ENTHD1: variants seen among roughly 807,000 people sequenced by gnomAD.
The protein encoded by ENTHD1 is ENTH domain containing 1.
ENTHD1 carries 23 observed loss-of-function variants against 39.1 expected under a neutral mutation model. The ratio of observed to expected loss-of-function variants is 0.59; its 90% CI spans 0.42 to 0.83. ENTHD1 has a LOEUF of 0.83. ENTHD1 is among the 40% of genes least tolerant of loss of function. The pLI is 0.00. For synonymous variants in ENTHD1, 230 were observed against 258.2 expected (o/e 0.89, Z 1.05); for missense variants, 624 against 705.4 (o/e 0.88, Z 1.31).
intron 2 of ENTHD1, among the ~76,000 whole-genome samples, chr22:39,879,653 A>T (rs2066320937): frequency 6.6e-6 from 1 of 152,126 alleles, no homozygotes; most frequent in African/African-American, 2.4e-5. Flanking sequence ...GCAGAGCATC[A>T]GGAACTCTCA....
At chr22:39,767,286 C>G (rs2065284500) in intron 5 of ENTHD1, among the ~76,000 whole-genome samples, 2 of 152,100 alleles carry the variant, frequency 1.3e-5, no homozygotes, top group Non-Finnish European at 2.9e-5. Context: ...CTAAAATATT[C>G]CTAATTTGCA....
chr22:39,815,570 G>C lies in ENTHD1; in HGVS notation c.832+5423C>G, dbSNP rs949806173. On this transcript the variant is annotated intron_variant, in intron 5 of 6. Transcript: ENST00000325157. Reference sequence around the variant, plus strand: ...AACTAGAACTTTGGAAAACAATCTGGCATTACCTAGCAAATTTGAAGATGT... The same window carrying C: ...AACTAGAACTTTGGAAAACAATCTGCCATTACCTAGCAAATTTGAAGATGT... Among the ~76,000 whole-genome samples the C allele has an allele frequency of 3.3e-5, 5 of 152,234 alleles. No homozygotes were observed. The East Asian group carries it at 9.6e-4, about 29-fold the overall frequency.
At position 39,873,161 on chromosome 22, in the gene ENTHD1, C is replaced by T. The variant is rs550635151; in HGVS notation, c.350-11154G>A. ...TGAAATCTGTCTCTTTAAAATGTGG[C>T]CCTGTTTTTAAAATTATACCTTTAA... On this transcript the variant is annotated intron_variant, in intron 2 of 6. Coordinates refer to ENST00000325157, the MANE Select transcript of ENTHD1 (RefSeq NM_152512.4). 4.0e-5 allele frequency among the ~76,000 whole-genome samples: 6 copies of T among 151,688 alleles called. No individual in the cohort carries two copies. In the East Asian group the frequency reaches 9.7e-4, roughly 24 times the overall value.
chr22:39,756,743 AACC>A (rs1429560596), intron 6 of ENTHD1, among the ~76,000 whole-genome samples: 1 of 152,230 alleles, frequency 6.6e-6, no homozygotes, highest in Non-Finnish European at 1.5e-5. Context: ...TCTATTATTC[AACC>A]AATCACCTTA....
intron 2 of ENTHD1, among the ~76,000 whole-genome samples, chr22:39,877,775 A>G (rs1041576554): frequency 9.8e-5 from 15 of 152,310 alleles, no homozygotes; most frequent in African/African-American, 3.4e-4. Context: ...AGTTAACCAA[A>G]GCCTAACCTG....
intron 6 of ENTHD1, among the ~76,000 whole-genome samples, chr22:39,762,349 G>A (rs2065241516): frequency 6.6e-6 from 1 of 152,014 alleles, no homozygotes; most frequent in South Asian, 2.1e-4. Context: ...AGGCTATGAG[G>A]ACTGAAGAGT....
chr22:39,765,321 A>C lies in ENTHD1; in HGVS notation c.1121T>G (p.Phe374Cys), dbSNP rs2065267562. The C allele has an allele frequency of 6.2e-6, 10 of 1,613,774 alleles. No individual in the cohort carries two copies. The highest frequency in any genetic ancestry group is 8.5e-6 in the Non-Finnish European group (10 of 1,179,930). ...TLCLSPSFKI[F>C]DRVKEIVINK... ...GATTACAATCTCCTTCACTCGGTCA[A>C]ATATTTTGAATGAGGGAGAGAGACA... Residue 374 changes from phenylalanine to cysteine, a missense_variant, in exon 6 of 7, where the codon TTT becomes TGT. Phe to Cys is a radical substitution (Grantham distance 205). Transcript: ENST00000325157.
chr22:39,819,238 G>A (rs1317425078), intron 5 of ENTHD1, among the ~76,000 whole-genome samples: 2 of 152,048 alleles, frequency 1.3e-5, no homozygotes, highest in Non-Finnish European at 2.9e-5. Context: ...GGTGGCGGGT[G>A]CCTGTAGTCC....
chr22:39,750,445 TCTG>T (rs1439403260), intron 6 of ENTHD1: 2 of 155,842 alleles, frequency 1.3e-5, no homozygotes, highest in African/African-American at 4.8e-5. Flanking sequence ...TCCAGTGTCA[TCTG>T]CTCTAAAACA....
chr22:39,769,235 C>T (rs888044125), intron 5 of ENTHD1, among the ~76,000 whole-genome samples: 5 of 152,064 alleles, frequency 3.3e-5, no homozygotes, highest in African/African-American at 4.8e-5. Flanking sequence ...ATTTGCTCAG[C>T]AACAATTTGA....
Position 39,743,941 on chromosome 22 carries a change from A to G in ENTHD1, c.1562T>C (p.Val521Ala). Residue 521 changes from valine to alanine, a missense_variant, in exon 7 of 7, where the codon GTA becomes GCA. By Grantham distance (64) the Val-to-Ala change is moderately conservative. Transcript: ENST00000325157. The stretch of plus-strand genomic sequence containing the variant: ...ACAGGACAGAGGGATGAACTGGTCT[A>G]CATTTTGGGTGGAAAACTCCCCCCA... ...SHWGEFSTQN[V>A]DQFIPLSCSG... 6.2e-7 allele frequency: 1 copy of G among 1,614,156 alleles called. No homozygotes were observed. The highest frequency in any genetic ancestry group is 8.5e-7 in the Non-Finnish European group (1 of 1,180,008).
chr22:39,865,950 T>C (rs1306985969), intron 2 of ENTHD1, among the ~76,000 whole-genome samples: 1 of 152,238 alleles, frequency 6.6e-6, no homozygotes, highest in Admixed American at 6.5e-5. Context: ...GCAAGTTGGC[T>C]TCTTTTATCT....
chr22:39,888,260 C>CTTTTTTTTTTTTTTTTTTTTTT (rs61092462), intron 1 of ENTHD1, among the ~76,000 whole-genome samples: 1 of 110,656 alleles, frequency 9.0e-6, no homozygotes, highest in Non-Finnish European at 1.7e-5. Flanking sequence ...TTCTTTCTTT[C>CTTTTTTTTTTTTTTTTTTTTTT]TTTTTTTTTT....
intron 5 of ENTHD1, among the ~76,000 whole-genome samples, chr22:39,785,910 C>G (rs2065453114): frequency 6.6e-6 from 1 of 152,082 alleles, no homozygotes; most frequent in Non-Finnish European, 1.5e-5. Flanking sequence ...AATTTCAAAC[C>G]CTCTCTGCTC....
At chr22:39,821,763 G>A (rs1459573983) in intron 4 of ENTHD1, among the ~76,000 whole-genome samples, 1 of 152,210 alleles carries the variant, frequency 6.6e-6, no homozygotes, top group East Asian at 1.9e-4. Flanking sequence ...AGGTTAGCAA[G>A]TCAAGGTGCT....
intron 3 of ENTHD1, among the ~76,000 whole-genome samples, chr22:39,841,938 A>C (rs1210032188): frequency 6.6e-6 from 1 of 150,544 alleles, no homozygotes; most frequent in African/African-American, 2.4e-5. Context: ...CCTGGTGGTG[A>C]CAAAATCTCT....
At chr22:39,795,659 G>A (rs1048057390) in intron 5 of ENTHD1, among the ~76,000 whole-genome samples, 2 of 151,498 alleles carry the variant, frequency 1.3e-5, no homozygotes, top group African/African-American at 4.9e-5. Flanking sequence ...AAACTCCTGG[G>A]CTCAAGTGAT....
chr22:39,889,296 T>C (rs2066407849), intron 1 of ENTHD1, among the ~76,000 whole-genome samples: 1 of 152,228 alleles, frequency 6.6e-6, no homozygotes, highest in Admixed American at 6.5e-5. Flanking sequence ...GAGAGGCCCA[T>C]ATACTAAAAC....
intron 5 of ENTHD1, among the ~76,000 whole-genome samples, chr22:39,787,285 C>G (rs1379658030): frequency 6.6e-6 from 1 of 152,158 alleles, no homozygotes; most frequent in East Asian, 1.9e-4. Flanking sequence ...TCTCCAGCCT[C>G]CCTATTCCCT....
Sources: gnomAD v4.1 joint callset for allele counts (sites outside exome capture counted in the v4.1 genomes callset) on GRCh38, gnomAD v4.1.1 for gene constraint, MANE v1.5 for transcripts, NCBI Gene and HGNC (gene_info 2026-07-23, HGNC 2026-07-21) for gene names.